ZDHHC1: variants seen among roughly 807,000 people sequenced by gnomAD.
The protein encoded by ZDHHC1 is palmitoyltransferase ZDHHC1.
ZDHHC1 carries 45 observed loss-of-function variants against 46.9 expected under a neutral mutation model. That is an observed-to-expected ratio of 0.96 (90% confidence interval 0.76 to 1.23). The LOEUF is 1.23. Ranked by LOEUF, ZDHHC1 falls within the 50% of genes most tolerant of loss-of-function variation. The pLI, the probability that ZDHHC1 is intolerant of heterozygous loss-of-function variation, is 0.00. For synonymous variants in ZDHHC1, 291 were observed against 286.0 expected (o/e 1.02, Z -0.18); for missense variants, 649 against 670.8 (o/e 0.97, Z 0.36).
rs1347767290 is a variant in ZDHHC1 at position 67,395,227 on chromosome 16, G to A, written c.1064C>T (p.Ser355Phe). 1.9e-6 allele frequency: 3 copies of A among 1,606,730 alleles called. No homozygotes were observed. Among genetic ancestry groups the A allele is most frequent in the Admixed American group, 3.4e-5 (2 of 59,090 alleles). ...GGGAGGCAGGGCGAGAGTGTCTGGG[G>A]AAGAGGGTGGTGGAGGTTCCGCTTG... ...RGQAEPPPPS[S>F]PDTLALPPRI... The change falls in exon 10 of 12, where the codon TCC becomes TTC. Residue 355 changes from serine (S) to phenylalanine (F), a missense_variant. Transcript: ENST00000565726.
chr16:67,398,788 G>C, intron 6 of ZDHHC1, 32 bp downstream of exon 6: 1 of 1,612,542 alleles, frequency 6.2e-7, no homozygotes, highest in Non-Finnish European at 8.5e-7. Context: ...ACCAGGGTTG[G>C]GGGTGAGAAT....
rs2040690235 is a variant in ZDHHC1, at chr16:67,407,861, T to C, written c.-38-48A>G. ...CACAGTAAATGGTGTGGAATCCTGG[T>C]CCACCCTAAGCCATCTGGCCTGCTT... On this transcript the variant is annotated intron_variant, in intron 1 of 11. Coordinates refer to ENST00000565726, the MANE Select transcript of ZDHHC1 (RefSeq NM_001323627.2). 5.3e-6 allele frequency: 4 copies of C among 753,724 alleles called. No individual in the cohort carries two copies. In the East Asian group the frequency reaches 7.4e-5, roughly 14 times the overall value. 46.7% of individuals were successfully genotyped at this position (753,724 alleles called of 1,614,324 possible).
chr16:67,398,979 G>A (rs1314124919), intron 5 of ZDHHC1, 35 bp from the exon 6 acceptor site: 2 of 1,604,780 alleles, frequency 1.2e-6, no homozygotes, highest in African/African-American at 1.3e-5. Flanking sequence ...CAGCTCCCCG[G>A]AGCTCCAGCC....
At chr16:67,403,707 C>T (rs968764558) in intron 3 of ZDHHC1, among the ~76,000 whole-genome samples, 3 of 152,172 alleles carry the variant, frequency 2.0e-5, no homozygotes, top group South Asian at 4.2e-4. Flanking sequence ...CCCCCCGACC[C>T]GGGTTCAAGC....
chr16:67,397,167 G>A (rs1373300433), intron 8 of ZDHHC1, among the ~76,000 whole-genome samples: 1 of 152,208 alleles, frequency 6.6e-6, no homozygotes, highest in Non-Finnish European at 1.5e-5. Flanking sequence ...AAATGTCTTC[G>A]CTGTGGCCAC....
chr16:67,399,983 G>A (rs917114205), intron 4 of ZDHHC1, among the ~76,000 whole-genome samples: 20 of 152,224 alleles, frequency 1.3e-4, no homozygotes, highest in Non-Finnish European at 2.5e-4. Flanking sequence ...GCTGCCATCC[G>A]CGTGAGCATG....
chr16:67,409,456 C>T (rs117028005), intron 1 of ZDHHC1, among the ~76,000 whole-genome samples: 3,008 of 152,292 alleles, frequency 0.02, 64 homozygotes, highest in Non-Finnish European at 0.029. Context: ...AGGCAGACCT[C>T]CCTCAGCAGA....
In ZDHHC1 at chr16:67,394,553, GTTGCATAGAGAGT is replaced by G; in HGVS notation, c.*44_*56del. On this transcript the variant is annotated 3_prime_UTR_variant, in exon 12 of 12. Coordinates refer to ENST00000565726, the MANE Select transcript of ZDHHC1 (RefSeq NM_001323627.2). Reference sequence around the variant, plus strand: ...GCACTCGGTGCGGCAAGGATGGGGTGTTGCATAGAGAGTCAGGCCGGCCGCTCTAACTCGGCCC... The same window carrying G: ...GCACTCGGTGCGGCAAGGATGGGGTGCAGGCCGGCCGCTCTAACTCGGCCC... 6 of 1,125,006 alleles carry G rather than the reference GTTGCATAGAGAGT, an allele frequency of 5.3e-6. No homozygotes were observed. Among genetic ancestry groups the G allele is most frequent in the Non-Finnish European group, 6.5e-6 (6 of 920,378 alleles). 69.7% of individuals were successfully genotyped at this position (1,125,006 alleles called of 1,614,324 possible). A position where few individuals can be genotyped will look rare whatever the true frequency, so the allele number is the denominator to read the frequency against.
At chr16:67,403,142 G>T (rs1217252656) in intron 3 of ZDHHC1, among the ~76,000 whole-genome samples, 3 of 152,276 alleles carry the variant, frequency 2.0e-5, no homozygotes, top group Admixed American at 6.5e-5. Context: ...TGGCTGTGGG[G>T]AACATGTGGA....
Position 67,406,570 on chromosome 16 carries a change from G to T in ZDHHC1, c.10-128C>A. On this transcript the variant is annotated intron_variant, in intron 2 of 11. Transcript: ENST00000565726. This position sits in a 1 kb window ranked among gnomAD's most constrained non-coding sequence, Gnocchi z 4.1. ...CGACAGCTACTCTGCTGGGGAAACT[G>T]GGGTCCTAGCACAATAGAGATGGGC... 1 of 1,239,284 alleles carries T rather than the reference G, an allele frequency of 8.1e-7. No homozygotes were observed. Among genetic ancestry groups the T allele is most frequent in the Non-Finnish European group, 1.1e-6 (1 of 924,980 alleles). The allele number at this position is 1,239,284 out of a possible 1,614,324, so 76.8% of individuals were successfully genotyped here.
chr16:67,407,742 T>C (rs779604319), intron 2 of ZDHHC1, 25 bp downstream of exon 2: 2 of 781,020 alleles, frequency 2.6e-6, no homozygotes, highest in Non-Finnish European at 4.8e-6. Flanking sequence ...CCTATGTCCC[T>C]TCCCCCAGGC....
intron 3 of ZDHHC1, among the ~76,000 whole-genome samples, chr16:67,405,370 G>A (rs2040634308): frequency 6.6e-6 from 1 of 152,214 alleles, no homozygotes; most frequent in South Asian, 2.1e-4. Flanking sequence ...GTGCTGAGCA[G>A]GGACAGAGCT....
chr16:67,394,804 G>GACTGT lies in ZDHHC1; in HGVS notation c.1254_1255insACAGT (p.His419ThrfsTer48). On this transcript the variant is annotated frameshift_variant, in exon 12 of 12. Transcript: ENST00000565726. LOFTEE classifies it low-confidence loss of function (END_TRUNC). The stretch of plus-strand genomic sequence containing the variant: ...TCCACGGACTCTGCCGACGCCGAGT[G>GACTGT]GTAGGCGCCGGCAGGGCCAGCGGCG... 1 of 1,532,058 alleles carries GACTGT rather than the reference G, an allele frequency of 6.5e-7. No homozygotes were observed. The highest frequency in any genetic ancestry group is 1.2e-5 in the South Asian group (1 of 82,932). The allele number at this position is 1,532,058 out of a possible 1,614,324, so 94.9% of individuals were successfully genotyped here. A position where few individuals can be genotyped will look rare whatever the true frequency, so the allele number is the denominator to read the frequency against.
chr16:67,398,106 G>T, intron 8 of ZDHHC1, 106 bp downstream of exon 8: 1 of 1,100,196 alleles, frequency 9.1e-7, no homozygotes. Context: ...TGCCCCCAGC[G>T]GCTGTTCCAG....
At chr16:67,407,970 G>A (rs936254300) in intron 1 of ZDHHC1, among the ~76,000 whole-genome samples, 157 bp from the exon 2 acceptor site, 1 of 152,032 alleles carries the variant, frequency 6.6e-6, no homozygotes, top group Non-Finnish European at 1.5e-5. Flanking sequence ...TCCCTCTGCC[G>A]GCTGGCTACC....
intron 7 of ZDHHC1, 88 bp downstream of exon 7, chr16:67,398,485 A>G (rs889601038): frequency 1.3e-6 from 2 of 1,533,420 alleles, no homozygotes; most frequent in South Asian, 1.2e-5. Flanking sequence ...AGGCAGGGGC[A>G]TGGTTTCAGG....
At chr16:67,398,759 G>T in intron 6 of ZDHHC1, 28 bp from the exon 7 acceptor site, 1 of 1,611,472 alleles carries the variant, frequency 6.2e-7, no homozygotes, top group Non-Finnish European at 8.5e-7. Flanking sequence ...TGTGTGCTCA[G>T]CCGGGGACGT....
chr16:67,413,277 G>C (rs1021200331), intron 1 of ZDHHC1, among the ~76,000 whole-genome samples: 1 of 152,182 alleles, frequency 6.6e-6, no homozygotes, highest in South Asian at 2.1e-4. Context: ...ATTCCTAAAT[G>C]AACTTTCCGT....
rs776293414 is a variant in ZDHHC1 at position 67,398,746 on chromosome 16, C to A, written c.656-15G>T. Reference sequence around the variant, plus strand: ...ATTCTTCAGGACTGCAAGGCACAGGCAGTGTGTGCTCAGCCGGGGACGTGA... The same window carrying A: ...ATTCTTCAGGACTGCAAGGCACAGGAAGTGTGTGCTCAGCCGGGGACGTGA... On this transcript the variant is annotated splice_polypyrimidine_tract_variant and intron_variant, in intron 6 of 11. Transcript: ENST00000565726. 1 of 1,610,618 alleles carries A rather than the reference C, an allele frequency of 6.2e-7. No homozygotes were observed. Among genetic ancestry groups the A allele is most frequent in the Non-Finnish European group, 8.5e-7 (1 of 1,178,780 alleles).
Sources: gnomAD v4.1 joint callset for allele counts (sites outside exome capture counted in the v4.1 genomes callset) on GRCh38, gnomAD v4.1.1 for gene constraint, Gnocchi (gnomAD v3.1) non-coding constraint, MANE v1.5 for transcripts, NCBI Gene and HGNC (gene_info 2026-07-23, HGNC 2026-07-21) for gene names.